CADPS: variants seen among roughly 807,000 people sequenced by gnomAD.
CADPS encodes the protein calcium-dependent secretion activator 1.
In CADPS, 57 loss-of-function variants were observed where a neutral mutation model predicts 167.3. That is an observed-to-expected ratio of 0.34 (90% CI 0.28 to 0.42). The LOEUF (loss-of-function observed/expected upper bound fraction) is 0.42, where lower values mean the gene tolerates loss of function less well. Among genes scored for constraint, CADPS ranks in the 20% least tolerant of loss-of-function variants. The pLI is 1.00. For synonymous variants in CADPS, 676 were observed against 635.3 expected (o/e 1.06, Z -0.96); for missense variants, 1,414 against 1,738.1 (o/e 0.81, Z 3.32).
Position 62,753,753 on chromosome 3 carries a change from A to G in CADPS, c.576T>C (p.Arg192=). The change falls in exon 3 of 30, where the codon CGT becomes CGC. Residue 192 remains arginine (R), a synonymous_variant. Coordinates refer to ENST00000383710, the MANE Select transcript of CADPS (RefSeq NM_003716.4). The surrounding 1 kb of genome is among the most constrained non-coding windows in gnomAD (Gnocchi z 4.6). The stretch of plus-strand genomic sequence containing the variant: ...CTCCACTCTGAACCATGCGGGCCAC[A>G]CGGTCGCTCTTCAGGAACACCTGAG... ...SYYEVFLKSD[R]VARMVQSGGC... The G allele has an allele frequency of 6.2e-7, 1 of 1,613,068 alleles. No individual in the cohort carries two copies. The highest frequency in any genetic ancestry group is 8.5e-7 in the Non-Finnish European group (1 of 1,179,236).
At chr3:62,472,516 C>T (rs1453459744) in intron 24 of CADPS, among the ~76,000 whole-genome samples, 1 of 152,098 alleles carries the variant, frequency 6.6e-6, no homozygotes, top group African/African-American at 2.4e-5. Flanking sequence ...TTTAAATATT[C>T]CAGAGCAGCT....
intron 10 of CADPS, among the ~76,000 whole-genome samples, chr3:62,552,325 A>G (rs1233807448): frequency 6.6e-6 from 1 of 152,026 alleles, no homozygotes; most frequent in Non-Finnish European, 1.5e-5. Flanking sequence ...ACATGTATAC[A>G]TATGTAACAA....
At chr3:62,619,467 C>T (rs890906004) in intron 6 of CADPS, among the ~76,000 whole-genome samples, 3 of 152,132 alleles carry the variant, frequency 2.0e-5, no homozygotes, top group Non-Finnish European at 2.9e-5. Context: ...TTTATCAATA[C>T]ATTGATATGA....
rs551999184 is a variant in CADPS at position 62,455,311 on chromosome 3, C to T, written c.3637-9514G>A. Among the ~76,000 whole-genome samples the T allele has an allele frequency of 3.2e-4, 49 of 152,254 alleles. 1 individual carries two copies. The highest frequency in any genetic ancestry group is 1.2e-3 in the African/African-American group (49 of 41,552). ...GCTGATACTTAACAATGGTTGCATG[C>T]TTACTCTTTGCCTAGCACAAGGTTA... On this transcript the variant is annotated intron_variant, in intron 26 of 29. Transcript: ENST00000383710. This position sits in a 1 kb window ranked among gnomAD's most constrained non-coding sequence, Gnocchi z 4.4.
rs1253460563 is a variant in CADPS at position 62,514,186 on chromosome 3, T to C, written c.2582-1418A>G. Among the ~76,000 whole-genome samples the C allele has an allele frequency of 6.6e-6, 1 of 152,070 alleles. No homozygotes were observed. The highest frequency in any genetic ancestry group is 1.9e-4 in the East Asian group (1 of 5,182). ...AAATGAAAGATTTCTTCTCTGAGGG[T>C]AGGATCAGAGCCTTGTAAAAGAAAG... On this transcript the variant is annotated intron_variant, in intron 16 of 29. Coordinates refer to ENST00000383710, the MANE Select transcript of CADPS (RefSeq NM_003716.4). The surrounding 1 kb of genome is among the most constrained non-coding windows in gnomAD (Gnocchi z 4.2).
chr3:62,548,859 T>A (rs1055273733), intron 11 of CADPS, among the ~76,000 whole-genome samples: 3 of 152,250 alleles, frequency 2.0e-5, no homozygotes, highest in Non-Finnish European at 4.4e-5. Context: ...TCTCACTCAG[T>A]CACCACTAAA....
intron 1 of CADPS, among the ~76,000 whole-genome samples, chr3:62,872,415 A>T (rs901336192): frequency 3.3e-5 from 5 of 152,122 alleles, no homozygotes; most frequent in Admixed American, 6.5e-5. Flanking sequence ...ATATATATAT[A>T]TTTTGTTGTT....
chr3:62,607,902 T>C (rs928509117), intron 6 of CADPS, among the ~76,000 whole-genome samples: 2 of 152,132 alleles, frequency 1.3e-5, no homozygotes, highest in African/African-American at 4.8e-5. Context: ...AAGGAAATGA[T>C]GAATGAGGCC....
rs779781616 is a variant in CADPS, at chr3:62,518,134, GC to G, written c.2393+14del. ...CTCATCTCCTAATTAAAGCTCTCCA[GC>G]CCCAGATCCTTACCTAAAATGTGTA... On this transcript the variant is annotated intron_variant, in intron 14 of 29. Coordinates refer to ENST00000383710, the MANE Select transcript of CADPS (RefSeq NM_003716.4). 1.3e-6 allele frequency: 2 copies of G among 1,580,584 alleles called. No individual in the cohort carries two copies. The highest frequency in any genetic ancestry group is 1.7e-5 in the Admixed American group (1 of 59,818).
At chr3:62,406,067 G>A (rs1045226738) in intron 28 of CADPS, among the ~76,000 whole-genome samples, 2 of 152,230 alleles carry the variant, frequency 1.3e-5, no homozygotes, top group South Asian at 4.1e-4. Flanking sequence ...GATAGCCACA[G>A]CATTGAAAGA....
At chr3:62,841,126 T>C (rs1431694495) in intron 1 of CADPS, among the ~76,000 whole-genome samples, 2 of 152,210 alleles carry the variant, frequency 1.3e-5, no homozygotes, top group Non-Finnish European at 2.9e-5. Context: ...TTAACAGTCC[T>C]CATCATTGGC....
At chr3:62,623,733 G>A (rs1202597853) in intron 6 of CADPS, among the ~76,000 whole-genome samples, 1 of 152,120 alleles carries the variant, frequency 6.6e-6, no homozygotes, top group Non-Finnish European at 1.5e-5. Flanking sequence ...TCATGAAAAT[G>A]TTGCCAACAA....
intron 1 of CADPS, among the ~76,000 whole-genome samples, chr3:62,860,434 G>A (rs581190): frequency 0.42 from 64,495 of 151,838 alleles, 13,789 homozygotes; most frequent in East Asian, 0.49. Flanking sequence ...GGACCATCCC[G>A]TTCTGGCATA....
chr3:62,769,833 G>T (rs148815033), intron 1 of CADPS, among the ~76,000 whole-genome samples: 43 of 152,070 alleles, frequency 2.8e-4, no homozygotes, highest in African/African-American at 9.7e-4. Context: ...TCACTTCCAG[G>T]CTGCATGACC....
At chr3:62,781,692 TG>T (rs2091665270) in intron 1 of CADPS, among the ~76,000 whole-genome samples, 1 of 152,072 alleles carries the variant, frequency 6.6e-6, no homozygotes, top group Non-Finnish European at 1.5e-5. Context: ...TGGGGGCACA[TG>T]GCAGCTGAGG....
At chr3:62,518,800 G>A (rs932579547) in intron 13 of CADPS, among the ~76,000 whole-genome samples, 1 of 152,108 alleles carries the variant, frequency 6.6e-6, no homozygotes, top group African/African-American at 2.4e-5. Flanking sequence ...CAGGTGACTT[G>A]TAAGTGTTTG....
At chr3:62,815,663 T>G (rs901903976) in intron 1 of CADPS, among the ~76,000 whole-genome samples, 1 of 152,180 alleles carries the variant, frequency 6.6e-6, no homozygotes. Flanking sequence ...ATTGGTCATA[T>G]TGTGCTGCTT....
chr3:62,653,463 G>A (rs2070749589), intron 4 of CADPS, among the ~76,000 whole-genome samples: 1 of 152,138 alleles, frequency 6.6e-6, no homozygotes, highest in Admixed American at 6.5e-5. Flanking sequence ...TCTTGTTTAT[G>A]TCAACTATGG....
In CADPS at chr3:62,492,417, C is replaced by T. The variant is rs1561189063; in HGVS notation, c.2757G>A (p.Val919=). 6.2e-7 allele frequency: 1 copy of T among 1,614,016 alleles called. No individual in the cohort carries two copies. Among genetic ancestry groups the T allele is most frequent in the East Asian group, 2.2e-5 (1 of 44,868 alleles). ...GTGACAGGAACGTCTCCGCATGCTCCACCATTAAATCTGACCACCACGCAA... is the reference window on the plus strand; with the variant it reads ...GTGACAGGAACGTCTCCGCATGCTCTACCATTAAATCTGACCACCACGCAA... ...EAFAWWSDLM[V]EHAETFLSLF... Residue 919 remains valine (V), a synonymous_variant, in exon 20 of 30, where the codon GTG becomes GTA. Coordinates refer to ENST00000383710, the MANE Select transcript of CADPS (RefSeq NM_003716.4).
Sources: gnomAD v4.1 joint callset for allele counts (sites outside exome capture counted in the v4.1 genomes callset) on GRCh38, gnomAD v4.1.1 for gene constraint, Gnocchi (gnomAD v3.1) non-coding constraint, MANE v1.5 for transcripts, NCBI Gene and HGNC (gene_info 2026-07-23, HGNC 2026-07-21) for gene names.